The following TLL2 variants were observed in gnomAD, a reference collection of about 807,000 sequenced individuals.
TLL2 encodes the protein tolloid-like protein 2.
In TLL2, 106 loss-of-function variants were observed where a neutral mutation model predicts 123.0. That is an observed-to-expected ratio of 0.86 (90% CI 0.74 to 1.01). The LOEUF is 1.01. Among genes scored for constraint, TLL2 ranks in the 50% least tolerant of loss-of-function variants. TLL2 has a pLI of 0.00. For synonymous variants in TLL2, 494 were observed against 516.8 expected (o/e 0.96, Z 0.60); for missense variants, 1,332 against 1,336.7 (o/e 1.00, Z 0.06).
rs533841501 is a variant in TLL2, at chr10:96,436,799, C to G, written c.365-3837G>C. Among the ~76,000 whole-genome samples, 274 of 152,164 alleles carry G rather than the reference C, an allele frequency of 1.8e-3. 2 individuals carry two copies. The highest frequency in any genetic ancestry group is 0.01 in the Middle Eastern group (3 of 294). ...CTCCTGGGTTCAAGCCATCCTCCCC[C>G]CTCACCCTCCCAAGTAGCTGGGACC... On this transcript the variant is annotated intron_variant, in intron 3 of 20. Transcript: ENST00000357947.
At chr10:96,431,827 G>A (rs1846744574) in intron 4 of TLL2, among the ~76,000 whole-genome samples, 1 of 152,158 alleles carries the variant, frequency 6.6e-6, no homozygotes, top group Non-Finnish European at 1.5e-5. Context: ...CCTGTGATGT[G>A]TCCCTTGACA....
chr10:96,408,360 T>C (rs1846470465), intron 9 of TLL2, among the ~76,000 whole-genome samples: 2 of 152,174 alleles, frequency 1.3e-5, no homozygotes, highest in African/African-American at 4.8e-5. Flanking sequence ...GTTTGCTAAT[T>C]ACTTGCAGCT....
chr10:96,480,298 A>G (rs1847299314), intron 2 of TLL2, 51 bp downstream of exon 2: 1 of 1,469,008 alleles, frequency 6.8e-7, no homozygotes, highest in African/African-American at 1.4e-5. Flanking sequence ...CCCCTGCTGA[A>G]GTCCCTCATC....
intron 1 of TLL2, among the ~76,000 whole-genome samples, chr10:96,489,095 T>C (rs1353014332): frequency 6.6e-6 from 1 of 152,194 alleles, no homozygotes; most frequent in South Asian, 2.1e-4. Context: ...CATGAGTGCA[T>C]AGGGCAACCC....
intron 5 of TLL2, among the ~76,000 whole-genome samples, chr10:96,427,346 G>A (rs991931455): frequency 6.6e-6 from 1 of 152,192 alleles, no homozygotes; most frequent in African/African-American, 2.4e-5. Flanking sequence ...TCTATTAACT[G>A]TATTTTTCAA....
chr10:96,492,680 C>G (rs1847426085), intron 1 of TLL2, among the ~76,000 whole-genome samples: 2 of 152,190 alleles, frequency 1.3e-5, no homozygotes, highest in African/African-American at 4.8e-5. Flanking sequence ...GTTCCACATT[C>G]TAAAAGTTAC....
In TLL2 at chr10:96,446,130, T is replaced by C; in HGVS notation, c.325A>G (p.Thr109Ala). 6.2e-7 allele frequency: 1 copy of C among 1,614,036 alleles called. No homozygotes were observed. The highest frequency in any genetic ancestry group is 8.5e-7 in the Non-Finnish European group (1 of 1,179,982). ...TTGGTGCCAGTGTCCATGGCTGTGGTGTCTGGGCTGCTCTCAGATGCCTGC... is the reference window on the plus strand; with the variant it reads ...TTGGTGCCAGTGTCCATGGCTGTGGCGTCTGGGCTGCTCTCAGATGCCTGC... ...EEQASESSPD[T>A]TAMDTGTKEA... is the part of the protein sequence containing the mutation. Residue 109 changes from threonine to alanine, a missense_variant, in exon 3 of 21, where the codon ACC (threonine) becomes GCC (alanine). Physicochemically the swap from Thr to Ala is moderately conservative, Grantham distance 58. Coordinates refer to ENST00000357947, the MANE Select transcript of TLL2 (RefSeq NM_012465.4).
chr10:96,500,115 A>AAAAAAG (rs1847519276), intron 1 of TLL2, among the ~76,000 whole-genome samples: 2 of 141,396 alleles, frequency 1.4e-5, no homozygotes, highest in Non-Finnish European at 3.0e-5. Context: ...AAAAAAAAAA[A>AAAAAAG]AAAAAGAAAA....
chr10:96,394,751 C>T (rs766840613), intron 13 of TLL2, among the ~76,000 whole-genome samples: 5 of 152,174 alleles, frequency 3.3e-5, no homozygotes, highest in African/African-American at 4.8e-5. Context: ...CCTGCATGAT[C>T]CTGAGAAGCC....
At chr10:96,383,269 G>A (rs1846201965) in intron 16 of TLL2, among the ~76,000 whole-genome samples, 1 of 152,206 alleles carries the variant, frequency 6.6e-6, no homozygotes, top group South Asian at 2.1e-4. Flanking sequence ...TGCTGCTGTA[G>A]TGGGTTTAGT....
intron 2 of TLL2, among the ~76,000 whole-genome samples, chr10:96,460,146 A>G (rs1847065915): frequency 6.6e-6 from 1 of 152,226 alleles, no homozygotes; most frequent in East Asian, 1.9e-4. Flanking sequence ...CCACTCATAT[A>G]AGGGAAAATA....
chr10:96,482,632 G>C (rs1241927296), intron 1 of TLL2, among the ~76,000 whole-genome samples: 1 of 152,210 alleles, frequency 6.6e-6, no homozygotes, highest in African/African-American at 2.4e-5. Flanking sequence ...CTAATTTATA[G>C]AAGTAGAAAT....
chr10:96,386,358 G>C (rs377306629), intron 14 of TLL2, 143 bp from the exon 15 acceptor site: 3 of 845,256 alleles, frequency 3.5e-6, no homozygotes, highest in Non-Finnish European at 3.4e-6. Context: ...AGTGTCCTTT[G>C]TTCAAAACTA....
At chr10:96,505,055 C>G (rs1225548139) in intron 1 of TLL2, among the ~76,000 whole-genome samples, 2 of 151,466 alleles carry the variant, frequency 1.3e-5, no homozygotes, top group Non-Finnish European at 3.0e-5. Flanking sequence ...ATAAAAGATA[C>G]TACCTGCGAC....
chr10:96,481,321 A>T (rs1158892698), intron 1 of TLL2, among the ~76,000 whole-genome samples: 1 of 151,760 alleles, frequency 6.6e-6, no homozygotes, highest in African/African-American at 2.4e-5. Flanking sequence ...TAATTTTATA[A>T]TTTTTTTTGT....
chr10:96,437,547 T>A (rs1475400878), intron 3 of TLL2, among the ~76,000 whole-genome samples: 2 of 152,196 alleles, frequency 1.3e-5, no homozygotes, highest in African/African-American at 4.8e-5. Context: ...TATCTACCCC[T>A]CTTTCCCCTT....
At chr10:96,491,274 C>T (rs898641428) in intron 1 of TLL2, among the ~76,000 whole-genome samples, 20 of 151,350 alleles carry the variant, frequency 1.3e-4, no homozygotes, top group Admixed American at 6.6e-5. Context: ...CCTGGCTACT[C>T]GGGAGGCTGA....
At chr10:96,414,702 A>G (rs1051180956) in intron 7 of TLL2, among the ~76,000 whole-genome samples, 4 of 151,858 alleles carry the variant, frequency 2.6e-5, no homozygotes, top group African/African-American at 7.3e-5. Flanking sequence ...GGGCTGTCCT[A>G]TGGGCCTCTT....
chr10:96,512,058 C>G (rs1847637133), intron 1 of TLL2, among the ~76,000 whole-genome samples: 1 of 152,162 alleles, frequency 6.6e-6, no homozygotes, highest in Admixed American at 6.5e-5. Context: ...AACTCCTCTG[C>G]CCACCTTCCT....
Sources: gnomAD v4.1 joint callset for allele counts (sites outside exome capture counted in the v4.1 genomes callset) on GRCh38, gnomAD v4.1.1 for gene constraint, MANE v1.5 for transcripts, NCBI Gene and HGNC (gene_info 2026-07-23, HGNC 2026-07-21) for gene names.